RALYL: variants seen among roughly 807,000 people sequenced by gnomAD.
RALYL encodes the protein RNA-binding Raly-like protein.
In RALYL, 29 loss-of-function variants were observed where a neutral mutation model predicts 35.1. The ratio of observed to expected loss-of-function variants is 0.83; its 90% CI spans 0.61 to 1.13. The LOEUF (loss-of-function observed/expected upper bound fraction) is 1.13, where lower values mean the gene tolerates loss of function less well. RALYL is among the 50% of genes most tolerant of loss of function. The pLI, the probability that RALYL is intolerant of heterozygous loss-of-function variation, is 0.00. For synonymous variants in RALYL, 120 were observed against 127.6 expected, an observed-to-expected ratio of 0.94 and a Z score of 0.40; for missense variants, 359 against 360.4, an observed-to-expected ratio of 1.00 and a Z score of 0.03.
chr8:84,456,077 C>T (rs534504749), intron 1 of RALYL, among the ~76,000 whole-genome samples: 2 of 151,760 alleles, frequency 1.3e-5, no homozygotes, highest in South Asian at 2.1e-4. Context: ...CTCTCTGTTC[C>T]GAGGGTAAAA....
intron 1 of RALYL, among the ~76,000 whole-genome samples, chr8:84,364,902 T>A (rs1448211515): frequency 6.6e-6 from 1 of 152,108 alleles, no homozygotes; most frequent in East Asian, 1.9e-4. Context: ...TTCAATGAGG[T>A]ATAGAAGTTT....
intron 1 of RALYL, among the ~76,000 whole-genome samples, chr8:84,425,157 T>C (rs9773464): frequency 0.033 from 5,016 of 152,058 alleles, 286 homozygotes; most frequent in African/African-American, 0.11. Flanking sequence ...GCCTCGCTGC[T>C]ACCTTGCAGT....
At position 84,489,497 on chromosome 8, in the gene RALYL, G is replaced by A. The variant is rs147424975; in HGVS notation, c.-23-39802G>A. 2.0e-3 allele frequency among the ~76,000 whole-genome samples: 309 copies of A among 152,174 alleles called. 3 individuals are homozygous for A. Among genetic ancestry groups the A allele is most frequent in the Non-Finnish European group, 1.3e-3 (86 of 67,998 alleles). On this transcript the variant is annotated intron_variant, in intron 1 of 8. Transcript: ENST00000521268. ...AAACAGTTATTGAAAACTTACTGTT[G>A]CAAAGTTCTTGGGATTCAAACCTAA...
At chr8:84,516,455 G>C (rs2058073200) in intron 1 of RALYL, among the ~76,000 whole-genome samples, 1 of 151,770 alleles carries the variant, frequency 6.6e-6, no homozygotes, top group South Asian at 2.1e-4. Flanking sequence ...TTTTAGAGCT[G>C]TATAATATAT....
At position 84,707,752 on chromosome 8, in the gene RALYL, A is replaced by G. The variant is rs1841466507; in HGVS notation, c.257-66827A>G. Among the ~76,000 whole-genome samples the G allele has an allele frequency of 2.6e-5, 4 of 152,310 alleles. No homozygotes were observed. In the South Asian group the frequency reaches 6.2e-4, roughly 24 times the overall value. On this transcript the variant is annotated intron_variant, in intron 2 of 8. Coordinates refer to ENST00000521268, the MANE Select transcript of RALYL (RefSeq NM_173848.7). ...AGCAGGAACATAATAAAATTAAAGT[A>G]TATAGAAAGCTTAGCAATAAAAGCA...
intron 1 of RALYL, among the ~76,000 whole-genome samples, chr8:84,223,366 T>A (rs1822994547): frequency 6.6e-6 from 1 of 152,068 alleles, no homozygotes; most frequent in African/African-American, 2.4e-5. Flanking sequence ...TCTGACTAGT[T>A]CAGACTGATC....
intron 1 of RALYL, among the ~76,000 whole-genome samples, chr8:84,308,925 TAAAC>T (rs956868757): frequency 5.3e-5 from 8 of 151,880 alleles, no homozygotes; most frequent in East Asian, 1.9e-4. Context: ...AAAATGCTAA[TAAAC>T]AAATATCAAG....
intron 1 of RALYL, among the ~76,000 whole-genome samples, chr8:84,476,248 T>C (rs2053406336): frequency 6.6e-6 from 1 of 152,210 alleles, no homozygotes; most frequent in African/African-American, 2.4e-5. Flanking sequence ...CTATTTCATA[T>C]ATCCAATTCA....
intron 1 of RALYL, among the ~76,000 whole-genome samples, chr8:84,296,610 T>TTCTC (rs1260687194): frequency 1.3e-5 from 2 of 150,028 alleles, no homozygotes; most frequent in African/African-American, 4.9e-5. Context: ...GGAGACATCT[T>TTCTC]TCTCTCTCTT....
intron 1 of RALYL, among the ~76,000 whole-genome samples, chr8:84,475,958 C>T (rs10088701): frequency 0.04 from 6,014 of 152,160 alleles, 240 homozygotes; most frequent in African/African-American, 0.099. Flanking sequence ...AAATACAAAT[C>T]CAGGTTAGGA....
chr8:84,839,378 A>T (rs914488080), intron 4 of RALYL, among the ~76,000 whole-genome samples: 2 of 152,186 alleles, frequency 1.3e-5, no homozygotes, highest in African/African-American at 4.8e-5. Context: ...TTGCTAGCAC[A>T]GCAGTCTGAG....
chr8:84,290,488 C>T (rs1171030244), intron 1 of RALYL, among the ~76,000 whole-genome samples: 8 of 143,942 alleles, frequency 5.6e-5, no homozygotes, highest in South Asian at 4.6e-4. Context: ...TGTTCTCTGG[C>T]GGGCAGGAGT....
intron 1 of RALYL, among the ~76,000 whole-genome samples, chr8:84,497,630 G>GTTTTTTTTTTT (rs1181968193): frequency 8.4e-6 from 1 of 119,124 alleles, no homozygotes; most frequent in African/African-American, 3.2e-5. Context: ...TTTTTTTGTT[G>GTTTTTTTTTTT]TTTTTGTTTT....
At chr8:84,918,954 G>GA (rs1336389030) in intron 8 of RALYL, among the ~76,000 whole-genome samples, 1 of 151,922 alleles carries the variant, frequency 6.6e-6, no homozygotes, top group African/African-American at 2.4e-5. Flanking sequence ...GAAGGTGTAA[G>GA]AAAAAATTAT....
intron 1 of RALYL, among the ~76,000 whole-genome samples, chr8:84,414,891 C>G (rs1233816620): frequency 6.6e-6 from 1 of 152,072 alleles, no homozygotes; most frequent in Non-Finnish European, 1.5e-5. Flanking sequence ...TGGTTCTTAC[C>G]CCTGAATGTT....
rs541633371 is a variant in RALYL at position 84,495,063 on chromosome 8, T to A, written c.-23-34236T>A. 2.4e-3 allele frequency among the ~76,000 whole-genome samples: 365 copies of A among 152,262 alleles called. 2 individuals are homozygous for A. Among genetic ancestry groups the A allele is most frequent in the Non-Finnish European group, 2.6e-3 (176 of 68,022 alleles). On this transcript the variant is annotated intron_variant, in intron 1 of 8. Coordinates refer to ENST00000521268, the MANE Select transcript of RALYL (RefSeq NM_173848.7). The stretch of plus-strand genomic sequence containing the variant: ...ACAAATTGATTTTATAATTTTGAGA[T>A]ATGTTCCATCCATACCTAGTTTCTT...
At chr8:84,638,507 A>G (rs971222339) in intron 2 of RALYL, among the ~76,000 whole-genome samples, 1 of 151,890 alleles carries the variant, frequency 6.6e-6, no homozygotes, top group Non-Finnish European at 1.5e-5. Context: ...CAAAAGATAA[A>G]TGAAACAAAA....
chr8:84,439,001 G>A (rs1030593095), intron 1 of RALYL, among the ~76,000 whole-genome samples: 4 of 151,884 alleles, frequency 2.6e-5, no homozygotes, highest in African/African-American at 9.7e-5. Context: ...TTATAGTATA[G>A]TTTGAATTCC....
rs73294898 is a variant in RALYL at position 84,298,940 on chromosome 8, C to G, written c.-24+114516C>G. Among the ~76,000 whole-genome samples the G allele has an allele frequency of 8.2e-3, 1,254 of 152,124 alleles. 19 individuals are homozygous for G. Among genetic ancestry groups the G allele is most frequent in the African/African-American group, 0.028 (1,147 of 41,524 alleles). On this transcript the variant is annotated intron_variant, in intron 1 of 8. Transcript: ENST00000521268. ...CTGAAACTTTGCCCAAGTTGTGTAA[C>G]AGATCTAGGAGCTTTTGCGAAGAGA... is the stretch of plus-strand genomic sequence containing the variant.
Sources: allele counts gnomAD v4.1 joint callset (sites outside exome capture counted in the v4.1 genomes callset), GRCh38; gene constraint gnomAD v4.1.1; transcripts MANE v1.5; gene names NCBI Gene and HGNC (gene_info 2026-07-23, HGNC 2026-07-21).